Variants in TENM1 observed in about 807,000 individuals in gnomAD.
TENM1 encodes teneurin transmembrane protein 1.
TENM1 carries 35 observed loss-of-function variants against 174.8 expected under a neutral mutation model. That is an observed-to-expected ratio of 0.20 (90% confidence interval 0.15 to 0.27). The LOEUF (loss-of-function observed/expected upper bound fraction) is 0.27. Ranked by LOEUF, TENM1 falls within the 10% of genes least tolerant of loss-of-function variation. The pLI, the probability that TENM1 is intolerant of heterozygous loss-of-function variation, is 1.00. For synonymous variants in TENM1, 781 were observed against 798.7 expected, an observed-to-expected ratio of 0.98 and a Z score of 0.37; for missense variants, 1,633 against 2,130.1, an observed-to-expected ratio of 0.77 and a Z score of 4.59.
At chrX:125,124,887 C>T in the TENM1 span, among the ~76,000 whole-genome samples, 2 of 111,943 alleles carry the variant, frequency 1.8e-5, no homozygotes, top group Non-Finnish European at 3.8e-5. Flanking sequence ...TTTTTGTCTG[C>T]ACCCCACAAT....
At chrX:125,095,452 C>A in the TENM1 span, among the ~76,000 whole-genome samples, 2 of 111,326 alleles carry the variant, frequency 1.8e-5, no homozygotes, top group African/African-American at 6.5e-5. Context: ...GATTAATTAA[C>A]AATAAGCCAC....
chrX:124,768,088 C>T (rs2054573457), intron 3 of TENM1, among the ~76,000 whole-genome samples: 1 of 111,409 alleles, frequency 9.0e-6, no homozygotes, highest in South Asian at 3.7e-4. Context: ...ACACACGAAC[C>T]ACAGCTGGAG....
intron 20 of TENM1, among the ~76,000 whole-genome samples, chrX:124,495,914 C>T (rs1395673093): frequency 2.0e-5 from 2 of 102,111 alleles, no homozygotes; most frequent in African/African-American, 7.5e-5. Flanking sequence ...ATCGCCAAGT[C>T]AATCCTAAGC....
chrX:125,154,934 A>G, the TENM1 span, among the ~76,000 whole-genome samples: 1 of 111,584 alleles, frequency 9.0e-6, no homozygotes, highest in Admixed American at 9.5e-5. Context: ...TGTGGACCCA[A>G]AGAGTGAGCA....
Position 124,565,613 on chromosome X carries a change from C to T in TENM1, c.2078-53G>A, listed in dbSNP as rs1011078780. The T allele has an allele frequency of 4.2e-5, 37 of 890,195 alleles. No individual in the cohort carries two copies. The African/African-American group carries it at 6.6e-4, about 16-fold the overall frequency. 73.4% of individuals were successfully genotyped at this position (890,195 alleles called of 1,213,427 possible). On this transcript the variant is annotated intron_variant, in intron 11 of 31. Transcript: ENST00000422452. Reference sequence around the variant, plus strand: ...AACATATTTTGTTAAAACCAGCATCCATTCTTCCAAAAAACATTATAATTA... The same window carrying T: ...AACATATTTTGTTAAAACCAGCATCTATTCTTCCAAAAAACATTATAATTA...
At chrX:124,825,124 C>T (rs372077989) in intron 3 of TENM1, among the ~76,000 whole-genome samples, 1 of 98,865 alleles carries the variant, frequency 1.0e-5, no homozygotes, top group African/African-American at 3.6e-5. Context: ...TAGTAGAAAT[C>T]AACAAATTTC....
chrX:124,764,937 T>C lies in TENM1; in HGVS notation c.536-27740A>G, dbSNP rs775948817. On this transcript the variant is annotated intron_variant, in intron 3 of 31. Coordinates refer to ENST00000422452, the Ensembl canonical transcript of TENM1. ...TTCATACTTGACTTCCCACCTTGAA[T>C]GTCCTTTCATCCCATATTGTTTGCA... Among the ~76,000 whole-genome samples the C allele has an allele frequency of 4.8e-3, 535 of 111,044 alleles. 1 individual carries two copies. The highest frequency in any genetic ancestry group is 9.2e-3 in the Non-Finnish European group (489 of 52,950).
At chrX:124,641,541 A>C (rs1216887360) in intron 11 of TENM1, among the ~76,000 whole-genome samples, 1 of 111,651 alleles carries the variant, frequency 9.0e-6, no homozygotes, top group Non-Finnish European at 1.9e-5. Context: ...GAATGTATTA[A>C]ATAACTGTAG....
chrX:125,119,526 A>G, the TENM1 span, among the ~76,000 whole-genome samples: 1 of 110,147 alleles, frequency 9.1e-6, no homozygotes, highest in Non-Finnish European at 1.9e-5. Context: ...GAACACAAAG[A>G]GTATCTGACC....
At chrX:124,914,561 T>G (rs1459498746) in intron 1 of TENM1, among the ~76,000 whole-genome samples, 4 of 112,156 alleles carry the variant, frequency 3.6e-5, no homozygotes, top group Non-Finnish European at 5.6e-5. Context: ...ACAGCTAACT[T>G]TATTATCACT....
chrX:124,835,811 T>C (rs2056380337), intron 3 of TENM1, among the ~76,000 whole-genome samples: 1 of 112,023 alleles, frequency 8.9e-6, no homozygotes. Context: ...AAAATGATCA[T>C]TGGAATATCA....
chrX:124,553,361 G>A (rs188728833), intron 14 of TENM1, among the ~76,000 whole-genome samples: 1,187 of 108,811 alleles, frequency 0.011, 11 homozygotes, highest in Non-Finnish European at 0.017. Context: ...TTAGCCGGGC[G>A]TGGTGGTGGG....
In TENM1 at chrX:124,471,235, A is replaced by ATATTATATATAGTACTATATAT. The variant is rs1427995633; in HGVS notation, c.3949+10496_3949+10497insATATATAGTACTATATATAATA. 9.1e-5 allele frequency among the ~76,000 whole-genome samples: 6 copies of ATATTATATATAGTACTATATAT among 66,086 alleles called. 1 individual carries two copies. Among genetic ancestry groups the ATATTATATATAGTACTATATAT allele is most frequent in the African/African-American group, 3.9e-4 (6 of 15,562 alleles). The allele number at this position is 66,086 out of a possible 115,157, so 57.4% of individuals were successfully genotyped here. On this transcript the variant is annotated intron_variant, in intron 22 of 31. Coordinates refer to ENST00000422452, the Ensembl canonical transcript of TENM1. ...TATATATTATAATATATAGTACTAT[A>ATATTATATATAGTACTATATAT]TATAATATATAATAATATATATTAT...
At chrX:124,413,692 G>A (rs1447015674) in intron 25 of TENM1, among the ~76,000 whole-genome samples, 1 of 112,319 alleles carries the variant, frequency 8.9e-6, no homozygotes, top group African/African-American at 3.2e-5. Flanking sequence ...CTGAGCAAGG[G>A]TGTCAACTCT....
intron 11 of TENM1, among the ~76,000 whole-genome samples, chrX:124,567,548 C>T (rs1259977097): frequency 7.2e-5 from 8 of 111,761 alleles, no homozygotes; most frequent in Non-Finnish European, 1.5e-4. Context: ...TTAGGAAGAG[C>T]TGTACTGATA....
chrX:124,584,998 T>C (rs1294098753), intron 11 of TENM1, among the ~76,000 whole-genome samples: 6 of 108,797 alleles, frequency 5.5e-5, no homozygotes, highest in African/African-American at 2.0e-4. Flanking sequence ...ATCCTAAATA[T>C]ATATGCACCC....
intron 11 of TENM1, among the ~76,000 whole-genome samples, chrX:124,594,159 T>A (rs1249254080): frequency 9.0e-6 from 1 of 111,569 alleles, no homozygotes; most frequent in African/African-American, 3.3e-5. Flanking sequence ...GTTGTTCAGA[T>A]CCACTGTGGA....
the TENM1 span, among the ~76,000 whole-genome samples, chrX:125,056,016 T>C: frequency 9.0e-6 from 1 of 111,440 alleles, no homozygotes; most frequent in Non-Finnish European, 1.9e-5. Context: ...CACAGTACCA[T>C]AAATCTTCTT....
intron 1 of TENM1, among the ~76,000 whole-genome samples, chrX:124,953,395 T>C (rs1314913657): frequency 8.9e-6 from 1 of 111,916 alleles, no homozygotes; most frequent in Non-Finnish European, 1.9e-5. Flanking sequence ...TGATTCCTTC[T>C]ATATTTCACT....
Sources: allele counts gnomAD v4.1 joint callset (sites outside exome capture counted in the v4.1 genomes callset), GRCh38; gene constraint gnomAD v4.1.1; transcripts MANE v1.5; gene names NCBI Gene and HGNC (gene_info 2026-07-23, HGNC 2026-07-21).